PUF60: variants seen among roughly 807,000 people sequenced by gnomAD.
PUF60 encodes poly(U) binding splicing factor 60.
In PUF60, 10 loss-of-function variants were observed where a neutral mutation model predicts 61.8. The observed-to-expected ratio is 0.16, with a 90% confidence interval of 0.10 to 0.27. The LOEUF is 0.27. PUF60 is among the 10% of genes least tolerant of loss of function. PUF60 has a pLI of 1.00. For synonymous variants in PUF60, 353 were observed against 300.9 expected (o/e 1.17, Z -1.79); for missense variants, 371 against 754.0 (o/e 0.49, Z 5.95).
Position 143,817,150 on chromosome 8 carries a change from A to G in PUF60, c.1145-5T>C. 6.3e-7 allele frequency: 1 copy of G among 1,589,088 alleles called. No homozygotes were observed. Among genetic ancestry groups the G allele is most frequent in the Non-Finnish European group, 8.6e-7 (1 of 1,167,436 alleles). The stretch of plus-strand genomic sequence containing the variant: ...GAGGACGGGCTGGGGTCACACCTGC[A>G]GGAAAACCAACCAGGTCCATCAGTC... On this transcript the variant is annotated splice_region_variant and splice_polypyrimidine_tract_variant and intron_variant, in intron 10 of 11. Coordinates refer to ENST00000526683, the MANE Select transcript of PUF60 (RefSeq NM_078480.3). This position sits in a 1 kb window ranked among gnomAD's most constrained non-coding sequence, Gnocchi z 7.4.
At chr8:143,820,492 C>T (rs1052450509) in intron 5 of PUF60, 174 bp downstream of exon 5, 31 of 722,010 alleles carry the variant, frequency 4.3e-5, no homozygotes, top group East Asian at 7.5e-5. Context: ...GGGGCGGTCC[C>T]GGGTGGGTGC....
Position 143,817,027 on chromosome 8 carries a change from T to C in PUF60, c.1263A>G (p.Glu421=), listed in dbSNP as rs1298333238. The change falls in exon 11 of 12, where the codon GAA becomes GAG. Residue 421 remains glutamate, a synonymous_variant. Coordinates refer to ENST00000526683, the MANE Select transcript of PUF60 (RefSeq NM_078480.3). The surrounding 1 kb of genome is among the most constrained non-coding windows in gnomAD (Gnocchi z 7.4). ...GCTCTGACTCGGGAAACAGCTCCTC[T>C]TCTTCCTTCTCCTTCTTGGGCTCCA... is the stretch of plus-strand genomic sequence containing the variant. ...GLLEPKKEKE[E]EELFPESERP... is the part of the protein sequence containing the mutation. 4 of 1,610,380 alleles carry C rather than the reference T, an allele frequency of 2.5e-6. No individual in the cohort carries two copies. Among genetic ancestry groups the C allele is most frequent in the African/African-American group, 1.3e-5 (1 of 74,878 alleles).
At chr8:143,829,170 G>A (rs1818015636) in intron 1 of PUF60, 110 bp downstream of exon 1, 1 of 1,223,510 alleles carries the variant, frequency 8.2e-7, no homozygotes, top group Non-Finnish European at 1.0e-6. Context: ...AGTCCGCGCG[G>A]GACCTGGGAA....
rs1262240547 is a variant in PUF60, at chr8:143,828,227, G to A, written c.24+1053C>T. The stretch of plus-strand genomic sequence containing the variant: ...GGACATGGGACCAGCCCGCCCGCTG[G>A]GGGCCTGGCAATGGCAGTCTAAGGA... On this transcript the variant is annotated intron_variant, in intron 1 of 11. Coordinates refer to ENST00000526683, the MANE Select transcript of PUF60 (RefSeq NM_078480.3). Among the ~76,000 whole-genome samples, 2 of 152,216 alleles carry A rather than the reference G, an allele frequency of 1.3e-5. 1 individual carries two copies.
chr8:143,818,815 A>G lies in PUF60; in HGVS notation c.349-281T>C, dbSNP rs1816686811. 1 of 502,436 alleles carries G rather than the reference A, an allele frequency of 2.0e-6. No individual in the cohort carries two copies. The allele number at this position is 502,436 out of a possible 1,614,324, so 31.1% of individuals were successfully genotyped here. ...CAAAGCCGACAGATGGTCAGGAGGC[A>G]GGGCTGTGCGCCCTCCCACCCAGAC... On this transcript the variant is annotated intron_variant, in intron 5 of 11. Transcript: ENST00000526683. The surrounding 1 kb of genome is among the most constrained non-coding windows in gnomAD (Gnocchi z 7.9).
chr8:143,828,514 T>G (rs1208697913), intron 1 of PUF60, among the ~76,000 whole-genome samples: 1 of 152,164 alleles, frequency 6.6e-6, no homozygotes, highest in Non-Finnish European at 1.5e-5. Flanking sequence ...CCCGGGGAAG[T>G]GGGCACTGAG....
At position 143,817,245 on chromosome 8, in the gene PUF60, G is replaced by A. The variant is rs1816444296; in HGVS notation, c.1144+86C>T. 1.3e-6 allele frequency: 2 copies of A among 1,527,632 alleles called. No homozygotes were observed. The highest frequency in any genetic ancestry group is 8.8e-7 in the Non-Finnish European group (1 of 1,138,848). The allele number at this position is 1,527,632 out of a possible 1,614,324, so 94.6% of individuals were successfully genotyped here. ...CCCTGGGCTCAGAGGGTTGTGCCCA[G>A]ACCACCAGGGCCAGGCAGCTGAGGG... On this transcript the variant is annotated intron_variant, in intron 10 of 11. Coordinates refer to ENST00000526683, the MANE Select transcript of PUF60 (RefSeq NM_078480.3). This position sits in a 1 kb window ranked among gnomAD's most constrained non-coding sequence, Gnocchi z 7.4.
intron 1 of PUF60, chr8:143,827,352 G>A (rs1346905684): frequency 1.1e-5 from 5 of 456,060 alleles, no homozygotes; most frequent in Admixed American, 2.4e-5. Flanking sequence ...GGAGCCATGC[G>A]TCAAAGTGAA....
At chr8:143,829,125 C>CCGCCCCCGCCT in intron 1 of PUF60, 155 bp downstream of exon 1, 3 of 1,180,756 alleles carry the variant, frequency 2.5e-6, no homozygotes, top group Non-Finnish European at 3.1e-6. Context: ...CGCGCCCGCC[C>CCGCCCCCGCCT]CGCCCCCGCC....
At position 143,824,301 on chromosome 8, in the gene PUF60, T is replaced by A; in HGVS notation, c.111+12A>T. 6.2e-7 allele frequency: 1 copy of A among 1,602,678 alleles called. No individual in the cohort carries two copies. The highest frequency in any genetic ancestry group is 8.5e-7 in the Non-Finnish European group (1 of 1,176,108). On this transcript the variant is annotated intron_variant, in intron 2 of 11. Transcript: ENST00000526683. Reference sequence around the variant, plus strand: ...GGGCGGGCCTGAGGGAGAGGATGCTTAAGGTCAGTACCTGTGGAGGTTTCC... The same window carrying A: ...GGGCGGGCCTGAGGGAGAGGATGCTAAAGGTCAGTACCTGTGGAGGTTTCC...
chr8:143,816,495 G>A lies in PUF60; in HGVS notation c.*25C>T. On this transcript the variant is annotated 3_prime_UTR_variant, in exon 12 of 12. Transcript: ENST00000526683. ...AACCCAGAGGAAACAAGGAACAAGTGCAAGTCCGGGGAGAGGGACCACTGT... is the reference window on the plus strand; with the variant it reads ...AACCCAGAGGAAACAAGGAACAAGTACAAGTCCGGGGAGAGGGACCACTGT... 1 of 1,586,048 alleles carries A rather than the reference G, an allele frequency of 6.3e-7. No individual in the cohort carries two copies. Among genetic ancestry groups the A allele is most frequent in the African/African-American group, 1.3e-5 (1 of 74,274 alleles).
At chr8:143,828,942 C>A in intron 1 of PUF60, 1 of 987,718 alleles carries the variant, frequency 1.0e-6, no homozygotes, top group Non-Finnish European at 1.2e-6. Context: ...CGGCGCACAC[C>A]CCCGTCGGCA....
At chr8:143,820,049 G>A (rs1816836091) in intron 5 of PUF60, among the ~76,000 whole-genome samples, 1 of 152,182 alleles carries the variant, frequency 6.6e-6, no homozygotes, top group Non-Finnish European at 1.5e-5. Flanking sequence ...CCTGCCTCTG[G>A]GGGAAGGGAG....
At chr8:143,822,357 C>T (rs559613087) in intron 2 of PUF60, 5 of 378,762 alleles carry the variant, frequency 1.3e-5, no homozygotes, top group Admixed American at 9.6e-5. Flanking sequence ...CTCCAGGCTT[C>T]CTCACAGTCC....
intron 1 of PUF60, among the ~76,000 whole-genome samples, chr8:143,828,007 AG>A (rs1468944274): frequency 6.6e-6 from 1 of 152,232 alleles, no homozygotes; most frequent in African/African-American, 2.4e-5. Context: ...GACAGTCACC[AG>A]GTCCTCAACC....
rs1563821239 is a variant in PUF60 at position 143,817,186 on chromosome 8, A to G, written c.1145-41T>C. Reference sequence around the variant, plus strand: ...CCAGGTCCATCAGTCACTCCCTACCACCCCCCTTCCCAGAAAGGCACAGAG... The same window carrying G: ...CCAGGTCCATCAGTCACTCCCTACCGCCCCCCTTCCCAGAAAGGCACAGAG... On this transcript the variant is annotated intron_variant, in intron 10 of 11. Transcript: ENST00000526683. The surrounding 1 kb of genome is among the most constrained non-coding windows in gnomAD (Gnocchi z 7.4). 1 of 1,532,760 alleles carries G rather than the reference A, an allele frequency of 6.5e-7. No homozygotes were observed. Among genetic ancestry groups the G allele is most frequent in the East Asian group, 2.3e-5 (1 of 42,686 alleles). The allele number at this position is 1,532,760 out of a possible 1,614,324, so 94.9% of individuals were successfully genotyped here.
At chr8:143,821,054 C>T (rs565023212) in intron 4 of PUF60, among the ~76,000 whole-genome samples, 2 of 152,316 alleles carry the variant, frequency 1.3e-5, no homozygotes, top group African/African-American at 2.4e-5. Flanking sequence ...GCTCGAGGCC[C>T]AGGAACCTGT....
In PUF60 at chr8:143,818,170, G is replaced by C. The variant is rs371197992; in HGVS notation, c.603+23C>G. The C allele has an allele frequency of 1.9e-6, 3 of 1,604,858 alleles. No homozygotes were observed. Among genetic ancestry groups the C allele is most frequent in the African/African-American group, 1.3e-5 (1 of 74,644 alleles). ...GGCAGCCCTGCACGCCTGCGGGATC[G>C]AGGCCTTGGCTCCCTGCCTCACCTT... On this transcript the variant is annotated intron_variant, in intron 7 of 11. Coordinates refer to ENST00000526683, the MANE Select transcript of PUF60 (RefSeq NM_078480.3). This position sits in a 1 kb window ranked among gnomAD's most constrained non-coding sequence, Gnocchi z 7.9.
At chr8:143,819,855 A>C (rs1382048463) in intron 5 of PUF60, among the ~76,000 whole-genome samples, 4 of 152,120 alleles carry the variant, frequency 2.6e-5, no homozygotes, top group Non-Finnish European at 5.9e-5. Context: ...AGGCAGGCCA[A>C]GAGCTCTCTC....
Sources: gnomAD v4.1 joint callset for allele counts (sites outside exome capture counted in the v4.1 genomes callset) on GRCh38, gnomAD v4.1.1 for gene constraint, Gnocchi (gnomAD v3.1) non-coding constraint, MANE v1.5 for transcripts, NCBI Gene and HGNC (gene_info 2026-07-23, HGNC 2026-07-21) for gene names.